The following RTCA variants were observed in gnomAD, a reference collection of about 807,000 sequenced individuals.
RTCA encodes RNA 3'-terminal phosphate cyclase.
Under a neutral mutation model 46.1 loss-of-function variants are expected in RTCA, and 37 were observed. The observed-to-expected ratio is 0.80, with a 90% CI of 0.62 to 1.06. The LOEUF is 1.06. RTCA is among the 50% of genes least tolerant of loss of function. The probability of loss-of-function intolerance (pLI) is 0.00; values close to 1 mark genes in which losing one functional copy is unlikely to be tolerated. For synonymous variants in RTCA, 164 were observed against 158.3 expected (o/e 1.04, Z -0.27); for missense variants, 435 against 455.5 (o/e 0.95, Z 0.41).
rs1378180566 is a variant in RTCA at position 100,291,494 on chromosome 1, C to T, written c.1091C>T (p.Pro364Leu). Reference protein sequence around the residue: ...IECQGIGMTNPNL With the variant: ...IECQGIGMTNLNL ...TGCCAAGGAATTGGGATGACAAATC[C>T]AAATCTATAGAGTATTTGCCTCTTA... The change falls in exon 11 of 11, where the codon CCA becomes CTA. Residue 364 changes from proline (P) to leucine (L), a missense_variant. Pro to Leu is a moderately conservative substitution (Grantham distance 98). Coordinates refer to ENST00000370128, the MANE Select transcript of RTCA (RefSeq NM_003729.4). 1 of 1,596,688 alleles carries T rather than the reference C, an allele frequency of 6.3e-7. No individual in the cohort carries two copies. Among genetic ancestry groups the T allele is most frequent in the East Asian group, 2.2e-5 (1 of 44,650 alleles).
At chr1:100,289,174 G>T (rs1339523932) in intron 10 of RTCA, among the ~76,000 whole-genome samples, 1 of 151,854 alleles carries the variant, frequency 6.6e-6, no homozygotes, top group Non-Finnish European at 1.5e-5. Context: ...TGTTGCCCAG[G>T]CTAGATTACA....
rs776620351 is a variant in RTCA, at chr1:100,274,979, A to G, written c.615+14A>G. On this transcript the variant is annotated intron_variant, in intron 6 of 10. Coordinates refer to ENST00000370128, the MANE Select transcript of RTCA (RefSeq NM_003729.4). ...TTGCCATTTAAAGTAAGTTGTTTAG[A>G]TGTTCTTAGAAATAAAATATATGTG... 1.5e-5 allele frequency: 23 copies of G among 1,585,738 alleles called. No homozygotes were observed. In the South Asian group the frequency reaches 2.5e-4, roughly 17 times the overall value.
intron 10 of RTCA, among the ~76,000 whole-genome samples, chr1:100,290,886 G>A (rs1251173512): frequency 6.6e-6 from 1 of 152,088 alleles, no homozygotes; most frequent in African/African-American, 2.4e-5. Flanking sequence ...GAAGGAAGAT[G>A]TTAATCACCA....
intron 8 of RTCA, among the ~76,000 whole-genome samples, chr1:100,280,669 G>T (rs1319558710): frequency 2.0e-5 from 3 of 152,158 alleles, no homozygotes; most frequent in African/African-American, 7.2e-5. Context: ...CTATTATCCA[G>T]ATCCCCTTTC....
intron 8 of RTCA, among the ~76,000 whole-genome samples, chr1:100,281,696 C>T (rs962300014): frequency 6.6e-6 from 1 of 151,742 alleles, no homozygotes; most frequent in Admixed American, 6.6e-5. Flanking sequence ...TGTGGTAATT[C>T]AGGGCATCTC....
In RTCA at chr1:100,284,476, C is replaced by G. The variant is rs139903584; in HGVS notation, c.800-752C>G. 1.5e-3 allele frequency among the ~76,000 whole-genome samples: 233 copies of G among 151,984 alleles called. 2 individuals carry two copies. The highest frequency in any genetic ancestry group is 5.2e-3 in the African/African-American group (214 of 41,428). ...TGGCACAATCTCAGCTCACTGCAAC[C>G]TCCACCTCCCAGGTTCAAGTGATTC... On this transcript the variant is annotated intron_variant, in intron 8 of 10. Transcript: ENST00000370128.
At chr1:100,288,917 G>C (rs1667175016) in intron 10 of RTCA, among the ~76,000 whole-genome samples, 1 of 151,754 alleles carries the variant, frequency 6.6e-6, no homozygotes, top group Non-Finnish European at 1.5e-5. Flanking sequence ...CTGCCTCCCA[G>C]GTTCAAGCAA....
chr1:100,281,458 C>T (rs1666702244), intron 8 of RTCA: 2 of 376,288 alleles, frequency 5.3e-6, no homozygotes, highest in Non-Finnish European at 5.3e-6. Context: ...TTAAGGATCC[C>T]TTCCAACTTT....
chr1:100,274,755 T>A, intron 5 of RTCA, 69 bp from the exon 6 acceptor site: 1 of 1,402,252 alleles, frequency 7.1e-7, no homozygotes, highest in Non-Finnish European at 9.7e-7. Context: ...CATGTCATTT[T>A]ATTGTAATAT....
intron 3 of RTCA, 36 bp from the exon 4 acceptor site, chr1:100,270,521 G>T (rs759403417): frequency 1.2e-6 from 2 of 1,601,698 alleles, no homozygotes; most frequent in Non-Finnish European, 1.7e-6. Context: ...ATGCAGAAAA[G>T]AAAATGAAAA....
intron 2 of RTCA, 31 bp from the exon 3 acceptor site, chr1:100,268,119 GCA>G: frequency 6.2e-7 from 1 of 1,610,500 alleles, no homozygotes; most frequent in Non-Finnish European, 8.5e-7. Flanking sequence ...CAGTCTGAAT[GCA>G]CACGTTTTGA....
intron 8 of RTCA, among the ~76,000 whole-genome samples, chr1:100,283,935 G>GAAAAAAAAAAAAAAAAAAAAAAAA (rs763030720): frequency 1.8e-5 from 1 of 55,108 alleles, no homozygotes; most frequent in African/African-American, 4.0e-5. Context: ...AAAAAAAAAA[G>GAAAAAAAAAAAAAAAAAAAAAAAA]AAAAAAAAAA....
chr1:100,276,648 G>C (rs537998921), intron 7 of RTCA, among the ~76,000 whole-genome samples: 37 of 152,218 alleles, frequency 2.4e-4, no homozygotes, highest in South Asian at 6.2e-4. Flanking sequence ...CTGCACTCCA[G>C]CCTGGCGACA....
intron 8 of RTCA, among the ~76,000 whole-genome samples, chr1:100,284,021 A>T (rs1666893836): frequency 6.6e-6 from 1 of 151,712 alleles, no homozygotes; most frequent in East Asian, 1.9e-4. Flanking sequence ...CTTTGGGGAA[A>T]ATTTTATCAT....
chr1:100,276,582 C>T (rs1456715958), intron 7 of RTCA, among the ~76,000 whole-genome samples: 1 of 152,064 alleles, frequency 6.6e-6, no homozygotes. Flanking sequence ...GAGGCTGAGG[C>T]AGGAGAATCA....
At position 100,288,245 on chromosome 1, in the gene RTCA, C is replaced by T. The variant is rs114036294; in HGVS notation, c.999+1042C>T. 2.8e-3 allele frequency among the ~76,000 whole-genome samples: 432 copies of T among 152,194 alleles called. 2 individuals carry two copies. The highest frequency in any genetic ancestry group is 9.7e-3 in the African/African-American group (402 of 41,528). On this transcript the variant is annotated intron_variant, in intron 10 of 10. Coordinates refer to ENST00000370128, the MANE Select transcript of RTCA (RefSeq NM_003729.4). ...TAGGTGTTTTCCTCTTCTCCTAAAT[C>T]GTTTCTCTTTGCATTTTTTGCAGTT...
intron 3 of RTCA, among the ~76,000 whole-genome samples, chr1:100,269,846 C>T (rs937711407): frequency 5.9e-5 from 9 of 152,024 alleles, no homozygotes; most frequent in Admixed American, 6.6e-5. Context: ...TGCCACCTGC[C>T]CCCCGACAAG....
chr1:100,272,164 C>T (rs1458347626), intron 4 of RTCA, among the ~76,000 whole-genome samples: 1 of 152,194 alleles, frequency 6.6e-6, no homozygotes, highest in African/African-American at 2.4e-5. Context: ...TGTACATTTT[C>T]ATTTCTCTTG....
intron 9 of RTCA, among the ~76,000 whole-genome samples, chr1:100,286,295 A>G (rs1667021797): frequency 6.6e-6 from 1 of 151,948 alleles, no homozygotes; most frequent in Non-Finnish European, 1.5e-5. Flanking sequence ...TACTGAAAAA[A>G]TACAAAAAAT....
Sources: gnomAD v4.1 joint callset for allele counts (sites outside exome capture counted in the v4.1 genomes callset) on GRCh38, gnomAD v4.1.1 for gene constraint, MANE v1.5 for transcripts, NCBI Gene and HGNC (gene_info 2026-07-23, HGNC 2026-07-21) for gene names.